Variants in FBXL2 observed in about 807,000 individuals in gnomAD.
FBXL2 encodes F-box and leucine rich repeat protein 2, also known as F-box/LRR-repeat protein 2.
A neutral mutation model predicts 69.2 loss-of-function variants in FBXL2; 38 were observed. The ratio of observed to expected loss-of-function variants is 0.55; its 90% confidence interval spans 0.42 to 0.72. The LOEUF is 0.72. Among genes scored for constraint, FBXL2 ranks in the 30% least tolerant of loss-of-function variants. The pLI, the probability that FBXL2 is intolerant of heterozygous loss-of-function variation, is 0.00. For synonymous variants in FBXL2, 192 were observed against 201.3 expected (o/e 0.95, Z 0.39); for missense variants, 354 against 520.3 (o/e 0.68, Z 3.11).
At chr3:33,344,292 C>T (rs765626564) in intron 2 of FBXL2, among the ~76,000 whole-genome samples, 18 of 151,972 alleles carry the variant, frequency 1.2e-4, no homozygotes, top group Admixed American at 2.0e-4. Flanking sequence ...GTCAAAATCT[C>T]GGGAGGAAGC....
intron 2 of FBXL2, among the ~76,000 whole-genome samples, chr3:33,355,264 A>C (rs2041118595): frequency 6.6e-6 from 1 of 152,174 alleles, no homozygotes; most frequent in Non-Finnish European, 1.5e-5. Context: ...ACGTCAAATA[A>C]CCAGGAAAAA....
At chr3:33,352,684 T>C (rs1231786035) in intron 2 of FBXL2, among the ~76,000 whole-genome samples, 1 of 152,140 alleles carries the variant, frequency 6.6e-6, no homozygotes, top group Non-Finnish European at 1.5e-5. Flanking sequence ...TCACTTAAGG[T>C]CAGGAGTTCA....
chr3:33,421,096 T>C, the FBXL2 span, among the ~76,000 whole-genome samples: 18 of 152,202 alleles, frequency 1.2e-4, no homozygotes, highest in Non-Finnish European at 1.8e-4. Context: ...CATCACAGGC[T>C]CAGCCCCCAG....
intron 1 of FBXL2, among the ~76,000 whole-genome samples, chr3:33,287,430 A>G (rs1329252335): frequency 6.6e-6 from 1 of 152,080 alleles, no homozygotes; most frequent in Non-Finnish European, 1.5e-5. Flanking sequence ...TATTTTACTC[A>G]ATTCTTCAAT....
intron 12 of FBXL2, among the ~76,000 whole-genome samples, chr3:33,395,585 T>C (rs2043945738): frequency 6.6e-6 from 1 of 151,706 alleles, no homozygotes; most frequent in African/African-American, 2.4e-5. Flanking sequence ...GGTAGTATTA[T>C]TTACAGTGAC....
At chr3:33,322,539 G>GA (rs1013650510) in intron 2 of FBXL2, among the ~76,000 whole-genome samples, 4 of 151,036 alleles carry the variant, frequency 2.6e-5, no homozygotes, top group Admixed American at 6.6e-5. Context: ...AATGCTGAGT[G>GA]AAAAAAAAAG....
At chr3:33,397,242 T>C in intron 12 of FBXL2, 1 of 756,144 alleles carries the variant, frequency 1.3e-6, no homozygotes, top group African/African-American at 1.8e-5. Context: ...TAATCAGATA[T>C]CCTGAATACA....
At chr3:33,277,578 C>T (rs907482741) in intron 1 of FBXL2, 63 bp downstream of exon 1, 9 of 1,246,664 alleles carry the variant, frequency 7.2e-6, no homozygotes, top group African/African-American at 4.7e-5. Context: ...TGGGTCCGCA[C>T]GCCGCCGCCC....
chr3:33,287,285 TTTTC>T (rs1202538231), intron 1 of FBXL2, among the ~76,000 whole-genome samples: 6 of 152,194 alleles, frequency 3.9e-5, no homozygotes, highest in African/African-American at 1.4e-4. Flanking sequence ...TCTCTATTAA[TTTTC>T]TTTCTCTTGA....
intron 2 of FBXL2, among the ~76,000 whole-genome samples, chr3:33,334,480 G>A (rs567912249): frequency 1.1e-4 from 17 of 152,232 alleles, no homozygotes; most frequent in Admixed American, 7.8e-4. Context: ...CAGGTTAACA[G>A]AAATTATTCA....
intron 2 of FBXL2, among the ~76,000 whole-genome samples, chr3:33,329,270 T>G (rs1408119497): frequency 6.6e-6 from 1 of 152,148 alleles, no homozygotes; most frequent in African/African-American, 2.4e-5. Context: ...GAGTAAAAGA[T>G]GCTGACAAAG....
At chr3:33,411,329 T>C in the FBXL2 span, among the ~76,000 whole-genome samples, 2 of 152,208 alleles carry the variant, frequency 1.3e-5, no homozygotes, top group African/African-American at 4.8e-5. Context: ...AAAATAGACA[T>C]TTTCATTATT....
chr3:33,378,770 A>C (rs1575404116), intron 13 of FBXL2, 29 bp downstream of exon 13: 2 of 1,613,674 alleles, frequency 1.2e-6, no homozygotes, highest in African/African-American at 2.7e-5. Context: ...GACATTATTC[A>C]CCTGTTAAAG....
chr3:33,400,041 G>C, intron 12 of FBXL2: 1 of 446,638 alleles, frequency 2.2e-6, no homozygotes, highest in Non-Finnish European at 3.8e-6. Context: ...TCCTATTGGG[G>C]GATAGATATA....
intron 5 of FBXL2, among the ~76,000 whole-genome samples, chr3:33,367,270 G>A (rs890695684): frequency 6.6e-6 from 1 of 151,902 alleles, no homozygotes; most frequent in Admixed American, 6.6e-5. Flanking sequence ...CAGTAGAGAC[G>A]GGGGTTTCAC....
chr3:33,284,201 C>T (rs994962815), intron 1 of FBXL2, among the ~76,000 whole-genome samples: 4 of 152,300 alleles, frequency 2.6e-5, no homozygotes, highest in African/African-American at 7.2e-5. Flanking sequence ...CTATAAATTT[C>T]CCTCTACACA....
intron 5 of FBXL2, among the ~76,000 whole-genome samples, chr3:33,370,390 C>A (rs889766498): frequency 6.8e-6 from 1 of 147,008 alleles, no homozygotes; most frequent in Non-Finnish European, 1.5e-5. Flanking sequence ...TGCACTCCAG[C>A]CTGGGTGACA....
rs1377911571 is a variant in FBXL2 at position 33,316,508 on chromosome 3, C to A, written c.65+18783C>A. ...CCCCTTTTAGAAATTAGTGTGGACC[C>A]CTCCACTCATGTGCTATTTGATTAG... is the stretch of plus-strand genomic sequence containing the variant. On this transcript the variant is annotated intron_variant, in intron 2 of 14. Coordinates refer to ENST00000484457, the MANE Select transcript of FBXL2 (RefSeq NM_012157.5). 2.0e-5 allele frequency among the ~76,000 whole-genome samples: 3 copies of A among 152,132 alleles called. No homozygotes were observed. In the East Asian group the frequency reaches 5.8e-4, roughly 29 times the overall value.
chr3:33,304,705 A>G (rs2036570406), intron 2 of FBXL2, among the ~76,000 whole-genome samples: 1 of 152,110 alleles, frequency 6.6e-6, no homozygotes, highest in African/African-American at 2.4e-5. Context: ...ATTTAACTTT[A>G]TAAAGAAATA....
Sources: allele counts gnomAD v4.1 joint callset (sites outside exome capture counted in the v4.1 genomes callset), GRCh38; gene constraint gnomAD v4.1.1; transcripts MANE v1.5; gene names NCBI Gene and HGNC (gene_info 2026-07-23, HGNC 2026-07-21).